VPS13B: variants seen among roughly 807,000 people sequenced by gnomAD.
VPS13B encodes vacuolar protein sorting 13 homolog B.
In VPS13B, 285 loss-of-function variants were observed where a neutral mutation model predicts 426.4. That is an observed-to-expected ratio of 0.67 (90% CI 0.61 to 0.74). The LOEUF (loss-of-function observed/expected upper bound fraction) is 0.74, where lower values mean the gene tolerates loss of function less well. VPS13B is among the 30% of genes least tolerant of loss of function. The pLI is 0.00. For synonymous variants in VPS13B, 1,676 were observed against 1,676.4 expected (o/e 1.00, Z 0.01); for missense variants, 4,537 against 4,782.6 (o/e 0.95, Z 1.51).
At position 99,118,490 on chromosome 8, in the gene VPS13B, T is replaced by C. The variant is rs183291593; in HGVS notation, c.937+2616T>C. Among the ~76,000 whole-genome samples, 12 of 152,314 alleles carry C rather than the reference T, an allele frequency of 7.9e-5. No homozygotes were observed. The East Asian group carries it at 2.3e-3, about 29-fold the overall frequency. ...GTGATGCAAAACACTCATCAAGATA[T>C]AGGTCATTAACATCTGAGATAGTTT... On this transcript the variant is annotated intron_variant, in intron 7 of 61. Transcript: ENST00000357162.
chr8:99,405,420 C>T (rs1266455383), intron 21 of VPS13B, among the ~76,000 whole-genome samples: 2 of 152,144 alleles, frequency 1.3e-5, no homozygotes, highest in Non-Finnish European at 2.9e-5. Context: ...ATCTTTTTGT[C>T]TGTTCGTATG....
At chr8:99,805,197 G>A (rs1031157574) in intron 43 of VPS13B, among the ~76,000 whole-genome samples, 2 of 150,924 alleles carry the variant, frequency 1.3e-5, no homozygotes, top group Admixed American at 1.3e-4. Flanking sequence ...TCCAGTTTCT[G>A]TTTAGAACAT....
At chr8:99,653,637 A>G (rs1445573077) in intron 34 of VPS13B, among the ~76,000 whole-genome samples, 2 of 152,182 alleles carry the variant, frequency 1.3e-5, no homozygotes, top group Non-Finnish European at 2.9e-5. Context: ...AATTGAATTG[A>G]TATTTCACAT....
Position 99,170,168 on chromosome 8 carries a change from G to A in VPS13B, c.2333+5G>A, listed in dbSNP as rs369096824. The A allele has an allele frequency of 2.4e-5, 38 of 1,612,098 alleles. No individual in the cohort carries two copies. The South Asian group carries it at 3.1e-4, about 13-fold the overall frequency. On this transcript the variant is annotated splice_donor_5th_base_variant and intron_variant, in intron 16 of 61. Coordinates refer to ENST00000357162, the MANE Select transcript of VPS13B (RefSeq NM_152564.5). ...TCTGAAACTCCCCACATGCTGGTAA[G>A]TCTTACATGTTAAAATGTGATTTAT...
chr8:99,206,766 A>G (rs535881683), intron 17 of VPS13B, among the ~76,000 whole-genome samples: 1 of 152,300 alleles, frequency 6.6e-6, no homozygotes, highest in Admixed American at 6.5e-5. Context: ...GTTGTTGAAT[A>G]GTTCTTTAAT....
At chr8:99,146,885 T>A (rs1720560803) in intron 13 of VPS13B, among the ~76,000 whole-genome samples, 1 of 152,100 alleles carries the variant, frequency 6.6e-6, no homozygotes, top group Non-Finnish European at 1.5e-5. Context: ...TCTTTTAATA[T>A]AGATCTATTG....
At chr8:99,331,781 GAATTT>G (rs914753928) in intron 19 of VPS13B, among the ~76,000 whole-genome samples, 1 of 151,618 alleles carries the variant, frequency 6.6e-6, no homozygotes, top group African/African-American at 2.4e-5. Context: ...AAAAATAATG[GAATTT>G]AATTTAAAGT....
intron 15 of VPS13B, among the ~76,000 whole-genome samples, chr8:99,168,182 T>C (rs1307981554): frequency 1.3e-5 from 2 of 152,174 alleles, no homozygotes; most frequent in African/African-American, 2.4e-5. Flanking sequence ...CAGTAGGTCC[T>C]GTTTTATTGT....
chr8:99,238,728 T>C (rs1011985865), intron 17 of VPS13B, among the ~76,000 whole-genome samples: 1 of 152,116 alleles, frequency 6.6e-6, no homozygotes, highest in Non-Finnish European at 1.5e-5. Context: ...GAAAAATAAA[T>C]AGCATTACGT....
At chr8:99,601,163 C>T (rs922255662) in intron 33 of VPS13B, among the ~76,000 whole-genome samples, 1 of 152,062 alleles carries the variant, frequency 6.6e-6, no homozygotes, top group Non-Finnish European at 1.5e-5. Context: ...CCTGACCCCC[C>T]AACAGGCTCC....
intron 39 of VPS13B, among the ~76,000 whole-genome samples, chr8:99,737,877 G>A (rs562656383): frequency 7.2e-5 from 11 of 152,330 alleles, no homozygotes; most frequent in African/African-American, 1.9e-4. Context: ...CAGTTCTCTT[G>A]TATCATATCT....
intron 40 of VPS13B, among the ~76,000 whole-genome samples, chr8:99,774,541 CAG>C (rs1811651418): frequency 6.6e-6 from 1 of 152,144 alleles, no homozygotes; most frequent in Admixed American, 6.5e-5. Context: ...TGGAAAATAT[CAG>C]AGTGTCAAAA....
intron 2 of VPS13B, among the ~76,000 whole-genome samples, chr8:99,032,409 T>A (rs1390338329): frequency 6.6e-6 from 1 of 152,118 alleles, no homozygotes; most frequent in African/African-American, 2.4e-5. Flanking sequence ...GTGTGCCTCA[T>A]GTCTTTTTTG....
intron 19 of VPS13B, among the ~76,000 whole-genome samples, chr8:99,335,315 G>T (rs1040977364): frequency 5.3e-5 from 8 of 152,014 alleles, no homozygotes; most frequent in African/African-American, 1.9e-4. Flanking sequence ...CCAGCTCCTG[G>T]ATTCATTAAT....
Position 99,021,070 on chromosome 8 carries a change from A to G in VPS13B, c.147+7135A>G, listed in dbSNP as rs941664299. 4.6e-5 allele frequency among the ~76,000 whole-genome samples: 7 copies of G among 152,248 alleles called. No individual in the cohort carries two copies. The East Asian group carries it at 1.2e-3, about 25-fold the overall frequency. On this transcript the variant is annotated intron_variant, in intron 2 of 61. Transcript: ENST00000357162. Reference sequence around the variant, plus strand: ...CCCTATTTCTTGAAAATTAGGGATCAGCAAACTGTGTCCTGGGCCTGCTTT... The same window carrying G: ...CCCTATTTCTTGAAAATTAGGGATCGGCAAACTGTGTCCTGGGCCTGCTTT...
intron 31 of VPS13B, among the ~76,000 whole-genome samples, chr8:99,568,287 A>AT (rs1371904688): frequency 1.5e-5 from 2 of 137,126 alleles, no homozygotes; most frequent in East Asian, 2.0e-4. Context: ...TATTATTATT[A>AT]TTATTATTAT....
rs1454074101 is a variant in VPS13B, at chr8:99,875,743, C to A, written c.*77C>A. The A allele has an allele frequency of 8.2e-6, 13 of 1,583,176 alleles. No individual in the cohort carries two copies. The highest frequency in any genetic ancestry group is 1.0e-5 in the Non-Finnish European group (12 of 1,157,146). On this transcript the variant is annotated 3_prime_UTR_variant, in exon 62 of 62. Transcript: ENST00000357162. ...TTTGAGACAGGGTCTCACTGCATTGCCCTTGCTGACCTCAAATTCTGGGGT... is the reference window on the plus strand; with the variant it reads ...TTTGAGACAGGGTCTCACTGCATTGACCTTGCTGACCTCAAATTCTGGGGT...
intron 31 of VPS13B, among the ~76,000 whole-genome samples, chr8:99,565,810 A>G (rs1241515926): frequency 6.6e-6 from 1 of 152,144 alleles, no homozygotes. Context: ...TGAGGACGTC[A>G]AGCTAAGACC....
intron 30 of VPS13B, among the ~76,000 whole-genome samples, chr8:99,526,441 T>C (rs1435171429): frequency 6.6e-6 from 1 of 152,128 alleles, no homozygotes; most frequent in Admixed American, 6.6e-5. Context: ...TGCTGTAATC[T>C]TGGAAAAAGA....
Sources: gnomAD v4.1 joint callset for allele counts (sites outside exome capture counted in the v4.1 genomes callset) on GRCh38, gnomAD v4.1.1 for gene constraint, MANE v1.5 for transcripts, NCBI Gene and HGNC (gene_info 2026-07-23, HGNC 2026-07-21) for gene names.